TDRD7: variants seen among roughly 807,000 people sequenced by gnomAD.
TDRD7 encodes the protein tudor domain-containing protein 7.
A neutral mutation model predicts 109.8 loss-of-function variants in TDRD7; 47 were observed. The observed-to-expected ratio is 0.43, with a 90% CI of 0.34 to 0.55. The LOEUF is 0.55. Among genes scored for constraint, TDRD7 ranks in the 20% least tolerant of loss-of-function variants. The pLI, the probability that TDRD7 is intolerant of heterozygous loss-of-function variation, is 0.03. For missense variants in TDRD7, 1,164 were observed against 1,319.2 expected (o/e 0.88, Z 1.82); for synonymous variants, 424 against 457.3 (o/e 0.93, Z 0.93).
Position 97,472,273 on chromosome 9 carries a change from A to G in TDRD7, c.1742-20A>G. On this transcript the variant is annotated intron_variant, in intron 9 of 16. Transcript: ENST00000355295. ...GATTTTTCTAATTAAGTAGAAATTA[A>G]AAGATTCAATATTTTTCAGGCTTGG... is the stretch of plus-strand genomic sequence containing the variant. 2 of 1,606,372 alleles carry G rather than the reference A, an allele frequency of 1.2e-6. No homozygotes were observed. Among genetic ancestry groups the G allele is most frequent in the Non-Finnish European group, 1.7e-6 (2 of 1,173,118 alleles).
chr9:97,467,045 T>G (rs965392135), intron 8 of TDRD7, among the ~76,000 whole-genome samples: 2 of 152,218 alleles, frequency 1.3e-5, no homozygotes, highest in Admixed American at 1.3e-4. Context: ...TGAGTCTGCC[T>G]GTATTTGGGT....
intron 6 of TDRD7, among the ~76,000 whole-genome samples, chr9:97,446,285 A>C (rs1261801264): frequency 2.6e-5 from 4 of 152,170 alleles, no homozygotes; most frequent in African/African-American, 4.8e-5. Flanking sequence ...TGAGGGGCTC[A>C]TTGGTGGGCA....
intron 14 of TDRD7, among the ~76,000 whole-genome samples, chr9:97,481,326 GTAGAA>G (rs889877315): frequency 1.1e-3 from 167 of 152,214 alleles, no homozygotes; most frequent in African/African-American, 3.6e-3. Context: ...TATTCACAAA[GTAGAA>G]TAGATTATAA....
chr9:97,459,894 C>G (rs1828680101), intron 6 of TDRD7, among the ~76,000 whole-genome samples: 1 of 152,152 alleles, frequency 6.6e-6, no homozygotes, highest in African/African-American at 2.4e-5. Flanking sequence ...AATGAGAGTA[C>G]ACGTTACAGG....
intron 7 of TDRD7, 34 bp downstream of exon 7, chr9:97,460,798 A>G (rs1828704941): frequency 1.3e-6 from 2 of 1,583,166 alleles, no homozygotes; most frequent in Non-Finnish European, 1.7e-6. Flanking sequence ...TAGGATTCTG[A>G]TATACTTTTG....
chr9:97,427,808 G>A (rs1828026578), intron 1 of TDRD7, among the ~76,000 whole-genome samples: 1 of 152,086 alleles, frequency 6.6e-6, no homozygotes, highest in African/African-American at 2.4e-5. Context: ...ACATTTCCAA[G>A]TATTCTGAAA....
intron 16 of TDRD7, among the ~76,000 whole-genome samples, chr9:97,488,560 GT>G (rs61689126): frequency 0.49 from 69,697 of 141,068 alleles, 16,407 homozygotes; most frequent in Admixed American, 0.56. Context: ...AGATTTAATG[GT>G]TTTTTTTTTT....
At chr9:97,442,513 G>A (rs1828325148) in intron 6 of TDRD7, among the ~76,000 whole-genome samples, 2 of 152,284 alleles carry the variant, frequency 1.3e-5, no homozygotes, top group East Asian at 3.9e-4. Flanking sequence ...TCTTAGTTCA[G>A]CCAGAAGTAG....
Position 97,441,784 on chromosome 9 carries a change from C to CTT in TDRD7, c.765_766insTT (p.Lys256LeufsTer53). 1 of 1,613,778 alleles carries CTT rather than the reference C, an allele frequency of 6.2e-7. No individual in the cohort carries two copies. The highest frequency in any genetic ancestry group is 8.5e-7 in the Non-Finnish European group (1 of 1,179,800). ...AAGCATAACAATGGCATTTGGATAT[C>CTT]TAAGCTTCCACATTTTTACAAAGAG... On this transcript the variant is annotated frameshift_variant, in exon 6 of 17. Coordinates refer to ENST00000355295, the MANE Select transcript of TDRD7 (RefSeq NM_014290.3). LOFTEE classifies it high-confidence loss of function.
At chr9:97,420,190 A>G (rs1827875840) in intron 1 of TDRD7, among the ~76,000 whole-genome samples, 1 of 152,124 alleles carries the variant, frequency 6.6e-6, no homozygotes, top group African/African-American at 2.4e-5. Context: ...CTACTCATCA[A>G]TAAAAAGGAA....
intron 6 of TDRD7, among the ~76,000 whole-genome samples, chr9:97,458,512 A>G (rs547919731): frequency 1.3e-5 from 2 of 152,272 alleles, no homozygotes; most frequent in Non-Finnish European, 1.5e-5. Context: ...TTGTGTCCCT[A>G]TGGCTTAAAA....
At position 97,480,951 on chromosome 9, in the gene TDRD7, G is replaced by C. The variant is rs374558180; in HGVS notation, c.2412+13G>C. 1.1e-5 allele frequency: 18 copies of C among 1,608,496 alleles called. No homozygotes were observed. The highest frequency in any genetic ancestry group is 9.4e-5 in the African/African-American group (7 of 74,820). ...CTGTAGCATTAAGGTTAGCTATCTT[G>C]TTGGGCCTGATACATTTAGAAAGGG... is the stretch of plus-strand genomic sequence containing the variant. On this transcript the variant is annotated intron_variant, in intron 14 of 16. Transcript: ENST00000355295.
Position 97,481,080 on chromosome 9 carries a change from G to T in TDRD7, c.2412+142G>T, listed in dbSNP as rs111653389. 3.3e-5 allele frequency: 24 copies of T among 737,562 alleles called. 1 individual carries two copies. The African/African-American group carries it at 3.3e-4, about 10-fold the overall frequency. 45.7% of individuals were successfully genotyped at this position (737,562 alleles called of 1,614,324 possible). On this transcript the variant is annotated intron_variant, in intron 14 of 16. Transcript: ENST00000355295. The stretch of plus-strand genomic sequence containing the variant: ...CACATTTTTTATATTCAGCAAATTG[G>T]CTACATGTGTAGCTGTAAGATATTT...
chr9:97,487,452 T>G, intron 16 of TDRD7, 120 bp downstream of exon 16: 1 of 1,323,072 alleles, frequency 7.6e-7, no homozygotes, highest in Non-Finnish European at 1.1e-6. Flanking sequence ...GTTTTTGTTT[T>G]TTTGTGCTAA....
intron 6 of TDRD7, among the ~76,000 whole-genome samples, chr9:97,455,473 A>C (rs1340126845): frequency 2.0e-5 from 3 of 152,194 alleles, no homozygotes; most frequent in African/African-American, 7.2e-5. Flanking sequence ...AAACTTATCC[A>C]CCATGATCAA....
chr9:97,484,057 C>T (rs1449479483), intron 15 of TDRD7, among the ~76,000 whole-genome samples: 4 of 151,942 alleles, frequency 2.6e-5, no homozygotes, highest in East Asian at 1.9e-4. Context: ...TATTTATTTA[C>T]GGGATAGATT....
rs76138950 is a variant in TDRD7, at chr9:97,451,819, G to A, written c.856-8359G>A. ...TCCAGGTAGATAGTGTCAGAATTGA[G>A]TTGGTGGAATTCAGCTGATATCCAA... On this transcript the variant is annotated intron_variant, in intron 6 of 16. Coordinates refer to ENST00000355295, the MANE Select transcript of TDRD7 (RefSeq NM_014290.3). 8.3e-3 allele frequency among the ~76,000 whole-genome samples: 1,257 copies of A among 152,340 alleles called. 45 individuals carry two copies. The East Asian group carries it at 0.11, about 13-fold the overall frequency.
At position 97,483,203 on chromosome 9, in the gene TDRD7, C is replaced by G. The variant is rs1001320398; in HGVS notation, c.2767C>G (p.His923Asp). Residue 923 changes from histidine to aspartate, a missense_variant, in exon 15 of 17, where the codon CAC (histidine) becomes GAC (aspartate). His to Asp is a moderately conservative substitution (Grantham distance 81, BLOSUM62 -1). Around this residue, in one of 5 missense-constraint regions of TDRD7, gnomAD observed 162 missense variants for 222.5 expected, o/e 0.73. Coordinates refer to ENST00000355295, the MANE Select transcript of TDRD7 (RefSeq NM_014290.3). Reference protein sequence around the residue: ...HMDVYVPVACHPGYFVIQPWQ... With the variant: ...HMDVYVPVACDPGYFVIQPWQ... ...GGATGTGTATGTGCCTGTGGCCTGT[C>G]ACCCAGGCTACTTCGTCATCCAGCC... 12 of 1,613,250 alleles carry G rather than the reference C, an allele frequency of 7.4e-6. No individual in the cohort carries two copies. The highest frequency in any genetic ancestry group is 9.3e-6 in the Non-Finnish European group (11 of 1,179,430).
rs112811088 is a variant in TDRD7 at position 97,460,583 on chromosome 9, C to A, written c.1261C>A (p.His421Asn). The A allele has an allele frequency of 1.7e-5, 27 of 1,614,182 alleles. No homozygotes were observed. The African/African-American group carries it at 2.0e-4, about 12-fold the overall frequency. The change falls in exon 7 of 17, where the codon CAT becomes AAT. Residue 421 changes from histidine (H) to asparagine (N), a missense_variant. This residue lies in a region of TDRD7 where 407 missense variants were observed against 394.0 expected (regional missense o/e 1.03). Coordinates refer to ENST00000355295, the MANE Select transcript of TDRD7 (RefSeq NM_014290.3). ...DKIQKDAGQA[H>N]GDNDIKAMVE... ...AATCCAAAAGGATGCAGGGCAAGCA[C>A]ATGGTGATAATGATATCAAGGCTAT...
Sources: gnomAD v4.1 joint callset for allele counts (sites outside exome capture counted in the v4.1 genomes callset) on GRCh38, gnomAD v4.1.1 for gene constraint, gnomAD v4.1.1 regional missense constraint, MANE v1.5 for transcripts, NCBI Gene and HGNC (gene_info 2026-07-23, HGNC 2026-07-21) for gene names.